The following CXCL17 variants were observed in gnomAD, a reference collection of about 807,000 sequenced individuals.
The protein encoded by CXCL17 is C-X-C motif chemokine ligand 17, also known as C-X-C motif chemokine 17.
In CXCL17, 9 loss-of-function variants were observed where a neutral mutation model predicts 15.5. The ratio of observed to expected loss-of-function variants is 0.58; its 90% CI spans 0.35 to 1.01. The LOEUF (loss-of-function observed/expected upper bound fraction) is 1.01. Among genes scored for constraint, CXCL17 ranks in the 50% least tolerant of loss-of-function variants. The probability of loss-of-function intolerance (pLI) is 0.02; values close to 1 mark genes in which losing one functional copy is unlikely to be tolerated. For synonymous variants in CXCL17, 52 were observed against 52.3 expected (o/e 0.99, Z 0.02); for missense variants, 133 against 138.2 (o/e 0.96, Z 0.19).
chr19:42,436,887 G>A (rs2040839348), intron 1 of CXCL17, among the ~76,000 whole-genome samples: 1 of 152,098 alleles, frequency 6.6e-6, no homozygotes, highest in African/African-American at 2.4e-5. Context: ...CAAAAGTTAA[G>A]AATTGCTTTC....
At chr19:42,439,970 C>A (rs936413732) in intron 1 of CXCL17, among the ~76,000 whole-genome samples, 1 of 151,950 alleles carries the variant, frequency 6.6e-6, no homozygotes, top group Non-Finnish European at 1.5e-5. Context: ...GTGCTAATCT[C>A]CTGGTTTTGA....
Position 42,428,758 on chromosome 19 carries a change from G to C in CXCL17, c.*126C>G, listed in dbSNP as rs192246143. The C allele has an allele frequency of 1.1e-5, 8 of 732,840 alleles. No individual in the cohort carries two copies. Among genetic ancestry groups the C allele is most frequent in the Non-Finnish European group, 2.0e-5 (8 of 409,728 alleles). The allele number at this position is 732,840 out of a possible 1,614,324, so 45.4% of individuals were successfully genotyped here. A position where few individuals can be genotyped will look rare whatever the true frequency, so the allele number is the denominator to read the frequency against. ...ATCTTGAAAAACATGCTTTTTGAGA[G>C]CACTGGAATGATTTAGGGGTGGGTA... On this transcript the variant is annotated 3_prime_UTR_variant, in exon 4 of 4. Transcript: ENST00000601181.
intron 1 of CXCL17, among the ~76,000 whole-genome samples, chr19:42,438,444 C>A (rs1433162563): frequency 7.7e-6 from 1 of 129,360 alleles, no homozygotes; most frequent in East Asian, 2.4e-4. Flanking sequence ...CACATATATA[C>A]TGTAATGAAA....
chr19:42,434,424 T>TTTTGTTTG lies in CXCL17; in HGVS notation c.80-576_80-569dup, dbSNP rs377747407. On this transcript the variant is annotated intron_variant, in intron 1 of 3. Transcript: ENST00000601181. ...CCCTTGACCTCCAAGTTGCTGGGTT[T>TTTTGTTTG]TTTGTTTGTTTGTTTGTTTTTTGAG... 6.6e-5 allele frequency among the ~76,000 whole-genome samples: 10 copies of TTTTGTTTG among 151,982 alleles called. No individual in the cohort carries two copies. The East Asian group carries it at 1.9e-3, about 29-fold the overall frequency.
rs981150639 is a variant in CXCL17 at position 42,431,362 on chromosome 19, G to A, written c.262+1614C>T. Among the ~76,000 whole-genome samples the A allele has an allele frequency of 7.2e-5, 11 of 152,190 alleles. No individual in the cohort carries two copies. In the South Asian group the frequency reaches 8.3e-4, roughly 11 times the overall value. ...GAAGGTTGTGTATGTTACAGATATC[G>A]TCTCCTATTTGGCAGCTTGTCATTT... On this transcript the variant is annotated intron_variant, in intron 3 of 3. Transcript: ENST00000601181.
intron 3 of CXCL17, among the ~76,000 whole-genome samples, chr19:42,430,560 C>G (rs1461028467): frequency 6.7e-6 from 1 of 148,708 alleles, no homozygotes; most frequent in Non-Finnish European, 1.5e-5. Context: ...CGCTATTGCA[C>G]TCCAGCCTGG....
At chr19:42,438,584 A>T (rs2147702291) in intron 1 of CXCL17, among the ~76,000 whole-genome samples, 1 of 151,470 alleles carries the variant, frequency 6.6e-6, no homozygotes, top group Admixed American at 6.6e-5. Context: ...CGTGTGTGTT[A>T]TTTCCCAGCT....
chr19:42,432,938 G>A (rs760911039), intron 3 of CXCL17, 38 bp downstream of exon 3: 1 of 1,479,680 alleles, frequency 6.8e-7, no homozygotes, highest in South Asian at 1.1e-5. Flanking sequence ...TTCACGGAGT[G>A]ACTCTGGTAT....
At chr19:42,431,834 C>T (rs1303588681) in intron 3 of CXCL17, among the ~76,000 whole-genome samples, 3 of 152,004 alleles carry the variant, frequency 2.0e-5, no homozygotes, top group Non-Finnish European at 4.4e-5. Context: ...AGCCACTGCC[C>T]CTGGTTTACT....
intron 1 of CXCL17, among the ~76,000 whole-genome samples, chr19:42,441,854 G>A (rs927328961): frequency 1.3e-5 from 2 of 152,148 alleles, no homozygotes; most frequent in East Asian, 1.9e-4. Flanking sequence ...AGCTAAAGTC[G>A]GCTTCCCAAA....
At chr19:42,442,371 C>T (rs1388006706) in intron 1 of CXCL17, among the ~76,000 whole-genome samples, 1 of 151,544 alleles carries the variant, frequency 6.6e-6, no homozygotes, top group African/African-American at 2.4e-5. Context: ...GTAGCTGGGA[C>T]TACAGGTGCG....
intron 1 of CXCL17, among the ~76,000 whole-genome samples, chr19:42,436,203 A>T (rs1367587210): frequency 6.7e-6 from 1 of 149,118 alleles, no homozygotes; most frequent in African/African-American, 2.6e-5. Context: ...GAGGACCCTT[A>T]GAGATCATAT....
intron 1 of CXCL17, among the ~76,000 whole-genome samples, chr19:42,439,403 T>C (rs917919202): frequency 6.6e-6 from 1 of 151,618 alleles, no homozygotes; most frequent in Non-Finnish European, 1.5e-5. Flanking sequence ...GAAACAATCA[T>C]CCATAGATTC....
chr19:42,437,137 A>G (rs915388664), intron 1 of CXCL17, among the ~76,000 whole-genome samples: 1 of 152,022 alleles, frequency 6.6e-6, no homozygotes, highest in Non-Finnish European at 1.5e-5. Flanking sequence ...AGGTTTTACC[A>G]TGTTGGTCAG....
intron 1 of CXCL17, among the ~76,000 whole-genome samples, chr19:42,435,389 C>T (rs1249310877): frequency 2.0e-5 from 3 of 152,106 alleles, no homozygotes; most frequent in African/African-American, 7.2e-5. Flanking sequence ...CTTTTATGGA[C>T]TGAATTGTGT....
At chr19:42,434,307 ACCT>A (rs1568620929) in intron 1 of CXCL17, among the ~76,000 whole-genome samples, 1 of 152,084 alleles carries the variant, frequency 6.6e-6, no homozygotes, top group African/African-American at 2.4e-5. Flanking sequence ...GTTTGTCGAA[ACCT>A]CCTGCCCTCT....
intron 1 of CXCL17, among the ~76,000 whole-genome samples, chr19:42,438,786 G>A (rs1161514441): frequency 6.6e-6 from 1 of 152,076 alleles, no homozygotes; most frequent in African/African-American, 2.4e-5. Flanking sequence ...GTAAGGAGCT[G>A]CTCAAAAAAT....
chr19:42,437,051 C>A (rs1409465753), intron 1 of CXCL17, among the ~76,000 whole-genome samples: 1 of 152,114 alleles, frequency 6.6e-6, no homozygotes. Context: ...AATTCTCCTT[C>A]CTCAGCCTCC....
At chr19:42,437,937 A>G (rs1453170175) in intron 1 of CXCL17, among the ~76,000 whole-genome samples, 2 of 152,164 alleles carry the variant, frequency 1.3e-5, no homozygotes, top group African/African-American at 4.8e-5. Context: ...GACCCCCAAG[A>G]TACTTCAAGT....
Sources: gnomAD v4.1 joint callset for allele counts (sites outside exome capture counted in the v4.1 genomes callset) on GRCh38, gnomAD v4.1.1 for gene constraint, MANE v1.5 for transcripts, NCBI Gene and HGNC (gene_info 2026-07-23, HGNC 2026-07-21) for gene names.